The following INTS13 variants were observed in gnomAD, a reference collection of about 807,000 sequenced individuals.
INTS13 encodes the protein asunder, spermatogenesis regulator homolog (Drosphila).
Under a neutral mutation model 90.2 loss-of-function variants are expected in INTS13, and 35 were observed. That is an observed-to-expected ratio of 0.39 (90% CI 0.30 to 0.51). INTS13 has a LOEUF of 0.51. INTS13 is among the 20% of genes least tolerant of loss of function. The pLI, the probability that INTS13 is intolerant of heterozygous loss-of-function variation, is 0.80. For synonymous variants in INTS13, 309 were observed against 277.1 expected, an observed-to-expected ratio of 1.11 and a Z score of -1.14; for missense variants, 601 against 851.2, an observed-to-expected ratio of 0.71 and a Z score of 3.66.
Position 26,917,700 on chromosome 12 carries a change from C to G in INTS13, c.923G>C (p.Gly308Ala), listed in dbSNP as rs372008063. The G allele has an allele frequency of 9.9e-6, 16 of 1,613,914 alleles. No homozygotes were observed. Among genetic ancestry groups the G allele is most frequent in the Admixed American group, 5.0e-5 (3 of 59,992 alleles). ...TAATGTTATTGTTTCTTTAAACGAGCCTTCTCGACTGCCGCCACCTAGATG... is the reference window on the plus strand; with the variant it reads ...TAATGTTATTGTTTCTTTAAACGAGGCTTCTCGACTGCCGCCACCTAGATG... ...DSHLGGGSRE[G>A]SFKETITLKW... The change falls in exon 9 of 17, where the codon GGC becomes GCC. Residue 308 changes from glycine (G) to alanine (A), a missense_variant. Physicochemically the swap from Gly to Ala is moderately conservative, Grantham distance 60. This residue lies in a region of INTS13 where 284 missense variants were observed against 387.7 expected (regional missense o/e 0.73). Coordinates refer to ENST00000261191, the MANE Select transcript of INTS13 (RefSeq NM_018164.3).
At chr12:26,924,270 G>A (rs1194028401) in intron 7 of INTS13, 85 bp downstream of exon 7, 1 of 1,459,980 alleles carries the variant, frequency 6.8e-7, no homozygotes, top group Non-Finnish European at 9.3e-7. Flanking sequence ...TGGGATTACA[G>A]GCATGAGCTA....
At position 26,936,576 on chromosome 12, in the gene INTS13, C is replaced by T; in HGVS notation, c.225+3G>A. 1 of 1,595,194 alleles carries T rather than the reference C, an allele frequency of 6.3e-7. No homozygotes were observed. The highest frequency in any genetic ancestry group is 8.6e-7 in the Non-Finnish European group (1 of 1,163,250). ...CATGATTTTGTTTGTACTTCACACT[C>T]ACCAGCTTTTTGAAAGGAAATATAT... is the stretch of plus-strand genomic sequence containing the variant. On this transcript the variant is annotated splice_donor_region_variant and intron_variant, in intron 2 of 16. Transcript: ENST00000261191.
At chr12:26,917,846 G>T in intron 8 of INTS13, 113 bp from the exon 9 acceptor site, 2 of 765,874 alleles carry the variant, frequency 2.6e-6, no homozygotes, top group Admixed American at 2.4e-5. Flanking sequence ...AAAAGCGGCC[G>T]GGTGCAGTGG....
intron 3 of INTS13, among the ~76,000 whole-genome samples, chr12:26,931,615 G>A (rs1476414278): frequency 1.3e-5 from 2 of 152,120 alleles, no homozygotes. Context: ...ACATTCATCA[G>A]GGAAGGACCT....
intron 1 of INTS13, among the ~76,000 whole-genome samples, chr12:26,937,423 C>G (rs1938527565): frequency 6.6e-6 from 1 of 152,200 alleles, no homozygotes; most frequent in South Asian, 2.1e-4. Context: ...TGAAACATCA[C>G]AGTAATTTAC....
chr12:26,925,626 T>C (rs1592221472), intron 6 of INTS13, 135 bp downstream of exon 6: 10 of 693,734 alleles, frequency 1.4e-5, no homozygotes, highest in East Asian at 1.1e-4. Flanking sequence ...TGTCTTGACA[T>C]AGAGGTTTAC....
chr12:26,933,795 G>A (rs1938320093), intron 3 of INTS13, among the ~76,000 whole-genome samples: 1 of 151,828 alleles, frequency 6.6e-6, no homozygotes, highest in African/African-American at 2.4e-5. Context: ...CAAAATATTG[G>A]GCAGTTTTGT....
chr12:26,929,244 G>A (rs1388294031), intron 3 of INTS13, among the ~76,000 whole-genome samples: 2 of 152,096 alleles, frequency 1.3e-5, no homozygotes, highest in African/African-American at 4.8e-5. Flanking sequence ...ATTAGCAACA[G>A]AAGGGAATTT....
chr12:26,913,543 T>C lies in INTS13; in HGVS notation c.1719A>G (p.Arg573=), dbSNP rs144641134. ...KPPEEEERKK[R]GRKREDKEDK... ...CCTCTTTGTCTTCCCTCTTTCTTCCTCGTTTCTTTCGTTCTTCCTCTTCTG... is the reference window on the plus strand; with the variant it reads ...CCTCTTTGTCTTCCCTCTTTCTTCCCCGTTTCTTTCGTTCTTCCTCTTCTG... The change falls in exon 14 of 17, where the codon CGA becomes CGG. Residue 573 remains arginine (R), a synonymous_variant. Transcript: ENST00000261191. The C allele has an allele frequency of 4.3e-6, 7 of 1,614,046 alleles. No homozygotes were observed. The highest frequency in any genetic ancestry group is 2.2e-5 in the South Asian group (2 of 91,082).
intron 16 of INTS13, 22 bp from the exon 17 acceptor site, chr12:26,905,558 G>T: frequency 6.2e-7 from 1 of 1,603,850 alleles, no homozygotes. Context: ...AGAAAAAAAC[G>T]AGTTGATAAA....
intron 1 of INTS13, 60 bp from the exon 2 acceptor site, chr12:26,936,874 A>C (rs983955953): frequency 1.8e-6 from 2 of 1,133,586 alleles, no homozygotes; most frequent in African/African-American, 3.1e-5. Context: ...ATTTTTTCTA[A>C]TTTTCTCAAG....
intron 6 of INTS13, 104 bp from the exon 7 acceptor site, chr12:26,924,587 TTTTTAGAA>T: frequency 7.9e-7 from 1 of 1,265,162 alleles, no homozygotes; most frequent in African/African-American, 1.5e-5. Flanking sequence ...TATTTTTAAC[TTTTTAGAA>T]GTTGGAAAAA....
intron 15 of INTS13, among the ~76,000 whole-genome samples, chr12:26,907,871 T>C (rs1951655673): frequency 6.6e-6 from 1 of 152,038 alleles, no homozygotes; most frequent in Non-Finnish European, 1.5e-5. Context: ...AAAACACCAA[T>C]GAAATACCAC....
intron 3 of INTS13, among the ~76,000 whole-genome samples, chr12:26,933,474 T>A (rs1938305857): frequency 6.6e-6 from 1 of 152,116 alleles, no homozygotes; most frequent in African/African-American, 2.4e-5. Context: ...AACACATAAT[T>A]TTGTGGAGTA....
intron 8 of INTS13, chr12:26,919,059 C>T (rs1008850260): frequency 2.8e-5 from 11 of 392,668 alleles, no homozygotes; most frequent in East Asian, 7.9e-5. Flanking sequence ...CCAGCTACTC[C>T]GGAGGCTGAG....
chr12:26,922,554 G>T, intron 8 of INTS13, 62 bp downstream of exon 8: 2 of 1,249,632 alleles, frequency 1.6e-6, no homozygotes, highest in Non-Finnish European at 2.3e-6. Flanking sequence ...GGATGTGGGG[G>T]CTACTGTAAT....
chr12:26,926,571 C>T (rs1372257353), intron 5 of INTS13, among the ~76,000 whole-genome samples: 1 of 152,186 alleles, frequency 6.6e-6, no homozygotes, highest in East Asian at 1.9e-4. Context: ...AAAAAGTCCA[C>T]ATTGCAATAG....
chr12:26,910,618 G>A (rs1295149760), intron 15 of INTS13, among the ~76,000 whole-genome samples: 1 of 152,142 alleles, frequency 6.6e-6, no homozygotes, highest in East Asian at 1.9e-4. Context: ...TAAGTTTCCT[G>A]AGGCCTCCCA....
intron 16 of INTS13, 138 bp from the exon 17 acceptor site, chr12:26,905,674 AG>A: frequency 1.2e-6 from 1 of 829,708 alleles, no homozygotes; most frequent in South Asian, 1.9e-5. Flanking sequence ...GACTAACATC[AG>A]GGTTCCTCTA....
Sources: allele counts gnomAD v4.1 joint callset (sites outside exome capture counted in the v4.1 genomes callset), GRCh38; gene constraint gnomAD v4.1.1; regional missense constraint gnomAD v4.1.1; transcripts MANE v1.5; gene names NCBI Gene and HGNC (gene_info 2026-07-23, HGNC 2026-07-21).